Variants in KAZN observed in about 807,000 individuals in gnomAD.
KAZN encodes kazrin.
In KAZN, 40 loss-of-function variants were observed where a neutral mutation model predicts 87.4. The observed-to-expected ratio is 0.46, with a 90% CI of 0.36 to 0.60. The LOEUF (loss-of-function observed/expected upper bound fraction) is 0.60. KAZN is among the 20% of genes least tolerant of loss of function. The pLI, the probability that KAZN is intolerant of heterozygous loss-of-function variation, is 0.00. For missense variants in KAZN, 898 were observed against 1,073.9 expected (o/e 0.84, Z 2.29); for synonymous variants, 466 against 458.3 (o/e 1.02, Z -0.22).
chr1:14,081,540 GAAT>G (rs1227209675), intron 1 of KAZN, among the ~76,000 whole-genome samples: 2 of 152,086 alleles, frequency 1.3e-5, no homozygotes. Flanking sequence ...ATAGCCAAAA[GAAT>G]AATAATTATT....
At chr1:14,400,733 G>C (rs957326682) in intron 2 of KAZN, among the ~76,000 whole-genome samples, 7 of 152,142 alleles carry the variant, frequency 4.6e-5, no homozygotes, top group African/African-American at 1.7e-4. Context: ...TCCCAGGCCC[G>C]GCCCCTGCTG....
chr1:14,245,907 T>C (rs954737834), intron 2 of KAZN, among the ~76,000 whole-genome samples: 1 of 152,178 alleles, frequency 6.6e-6, no homozygotes, highest in East Asian at 1.9e-4. Context: ...CTATTCACAA[T>C]AGCAAAGATA....
At chr1:14,164,859 C>T (rs1056276916) in intron 1 of KAZN, among the ~76,000 whole-genome samples, 6 of 152,038 alleles carry the variant, frequency 3.9e-5, no homozygotes, top group East Asian at 1.9e-4. Context: ...TTAAAGGAGG[C>T]GGACTCATTG....
At chr1:14,886,449 C>G (rs1334922861) in intron 1 of KAZN, among the ~76,000 whole-genome samples, 1 of 151,206 alleles carries the variant, frequency 6.6e-6, no homozygotes, top group Non-Finnish European at 1.5e-5. Flanking sequence ...CACACACACA[C>G]ACACACACAC....
chr1:14,823,951 T>C (rs1327908998), intron 1 of KAZN, among the ~76,000 whole-genome samples: 1 of 151,884 alleles, frequency 6.6e-6, no homozygotes, highest in Non-Finnish European at 1.5e-5. Flanking sequence ...CCGTCTCTAC[T>C]AAAAACACAA....
chr1:15,072,229 G>A (rs1326664534), intron 8 of KAZN, among the ~76,000 whole-genome samples: 2 of 152,192 alleles, frequency 1.3e-5, no homozygotes, highest in Admixed American at 6.5e-5. Context: ...CTGGCCCCAT[G>A]ATTACTATTC....
At chr1:14,305,656 CCTTTTTTTTTTGTTTT>C (rs907562067) in intron 2 of KAZN, among the ~76,000 whole-genome samples, 7 of 151,086 alleles carry the variant, frequency 4.6e-5, no homozygotes, top group Admixed American at 1.3e-4. Context: ...GTCTGCTCTC[CCTTTTTTTTTTGTTTT>C]CTTTTTTTTT....
chr1:14,347,379 G>T (rs1658182158), intron 2 of KAZN, among the ~76,000 whole-genome samples: 1 of 152,136 alleles, frequency 6.6e-6, no homozygotes, highest in South Asian at 2.1e-4. Flanking sequence ...GTGGAATCCT[G>T]CCCTACCAGA....
At chr1:15,037,542 G>A (rs966518914) in intron 3 of KAZN, among the ~76,000 whole-genome samples, 4 of 152,108 alleles carry the variant, frequency 2.6e-5, no homozygotes, top group Non-Finnish European at 4.4e-5. Flanking sequence ...TGAGGTTCCC[G>A]GGGCATGGAA....
intron 2 of KAZN, among the ~76,000 whole-genome samples, chr1:14,415,365 G>A (rs1296525873): frequency 2.0e-5 from 3 of 152,170 alleles, no homozygotes; most frequent in African/African-American, 7.2e-5. Context: ...ATATATTTTG[G>A]AGGTAAAATT....
intron 2 of KAZN, among the ~76,000 whole-genome samples, chr1:14,398,375 T>G (rs1663078991): frequency 6.6e-6 from 1 of 152,240 alleles, no homozygotes; most frequent in Non-Finnish European, 1.5e-5. Flanking sequence ...CTCAATTTCC[T>G]TATCTGTACA....
intron 2 of KAZN, among the ~76,000 whole-genome samples, chr1:14,451,539 C>T (rs4463664): frequency 0.27 from 41,379 of 151,438 alleles, 6,624 homozygotes; most frequent in Middle Eastern, 0.45. Flanking sequence ...ACAGAACCCA[C>T]CTATGTTCTC....
At chr1:14,763,571 T>C (rs943790477) in intron 1 of KAZN, among the ~76,000 whole-genome samples, 1 of 152,196 alleles carries the variant, frequency 6.6e-6, no homozygotes, top group Non-Finnish European at 1.5e-5. Context: ...CTGATTTCAA[T>C]TGCAGTGAGC....
intron 1 of KAZN, among the ~76,000 whole-genome samples, chr1:14,903,270 C>T (rs530486955): frequency 1.8e-4 from 27 of 152,248 alleles, no homozygotes; most frequent in African/African-American, 5.8e-4. Flanking sequence ...GCTTGTAAAC[C>T]CAAACACAGG....
At chr1:14,905,995 C>T (rs960830235) in intron 1 of KAZN, among the ~76,000 whole-genome samples, 10 of 151,296 alleles carry the variant, frequency 6.6e-5, no homozygotes, top group Non-Finnish European at 5.9e-5. Context: ...GGTGAGACCC[C>T]GTCTCTACTA....
intron 1 of KAZN, among the ~76,000 whole-genome samples, chr1:14,106,303 T>A (rs983897600): frequency 6.6e-6 from 1 of 152,162 alleles, no homozygotes; most frequent in Non-Finnish European, 1.5e-5. Flanking sequence ...AATCCCCAGG[T>A]GGTCATAGAA....
chr1:14,417,669 A>C (rs971928941), intron 2 of KAZN, among the ~76,000 whole-genome samples: 1 of 152,108 alleles, frequency 6.6e-6, no homozygotes, highest in African/African-American at 2.4e-5. Flanking sequence ...TGGGGCCATC[A>C]GAAAAAGACT....
intron 2 of KAZN, among the ~76,000 whole-genome samples, chr1:14,490,802 A>G (rs144143171): frequency 7.9e-5 from 12 of 152,264 alleles, no homozygotes; most frequent in African/African-American, 2.9e-4. Context: ...AAAGAGGAGA[A>G]TAAAATTCAC....
chr1:14,658,333 G>A (rs1023174700), intron 1 of KAZN, among the ~76,000 whole-genome samples: 1 of 152,160 alleles, frequency 6.6e-6, no homozygotes, highest in African/African-American at 2.4e-5. Context: ...GACATAGTAA[G>A]CACTAAATAA....
Sources: gnomAD v4.1 joint callset for allele counts (sites outside exome capture counted in the v4.1 genomes callset) on GRCh38, gnomAD v4.1.1 for gene constraint, MANE v1.5 for transcripts, NCBI Gene and HGNC (gene_info 2026-07-23, HGNC 2026-07-21) for gene names.